AKAP6: variants seen among roughly 807,000 people sequenced by gnomAD.
The protein encoded by AKAP6 is A-kinase anchor protein 6.
In AKAP6, 58 loss-of-function variants were observed where a neutral mutation model predicts 188.5. The observed-to-expected ratio is 0.31, with a 90% CI of 0.25 to 0.38. AKAP6 has a LOEUF of 0.38. Ranked by LOEUF, AKAP6 falls within the 10% of genes least tolerant of loss-of-function variation. AKAP6 has a pLI of 1.00. For missense variants in AKAP6, 2,710 were observed against 2,740.0 expected, an observed-to-expected ratio of 0.99 and a Z score of 0.24; for synonymous variants, 989 against 998.6, an observed-to-expected ratio of 0.99 and a Z score of 0.18.
At chr14:32,666,063 C>T (rs953669867) in intron 7 of AKAP6, among the ~76,000 whole-genome samples, 1 of 151,958 alleles carries the variant, frequency 6.6e-6, no homozygotes, top group Non-Finnish European at 1.5e-5. Context: ...TAAGTAAACA[C>T]AATTATTTGC....
At chr14:32,628,761 T>C (rs1448738354) in intron 7 of AKAP6, among the ~76,000 whole-genome samples, 8 of 152,076 alleles carry the variant, frequency 5.3e-5, no homozygotes, top group African/African-American at 1.9e-4. Context: ...CACCAGATTT[T>C]TTTTTCTCTA....
chr14:32,669,679 G>A lies in AKAP6; in HGVS notation c.2731-8632G>A, dbSNP rs573869462. ...AAGACTGAATAATTTATGAAGGAAA[G>A]AGGTTTAATTGACTCACAGTTCTGC... is the stretch of plus-strand genomic sequence containing the variant. On this transcript the variant is annotated intron_variant, in intron 7 of 13. Coordinates refer to ENST00000280979, the MANE Select transcript of AKAP6 (RefSeq NM_004274.5). Among the ~76,000 whole-genome samples, 164 of 152,316 alleles carry A rather than the reference G, an allele frequency of 1.1e-3. 1 individual carries two copies. Among genetic ancestry groups the A allele is most frequent in the Middle Eastern group, 6.8e-3 (2 of 294 alleles).
intron 9 of AKAP6, among the ~76,000 whole-genome samples, chr14:32,727,204 GGAAA>G (rs1351821434): frequency 6.6e-6 from 1 of 152,104 alleles, no homozygotes; most frequent in Non-Finnish European, 1.5e-5. Flanking sequence ...GACATGGGAA[GGAAA>G]GAAAGGAGAC....
chr14:32,622,996 T>A (rs1886876195), intron 7 of AKAP6, among the ~76,000 whole-genome samples: 1 of 151,998 alleles, frequency 6.6e-6, no homozygotes, highest in Admixed American at 6.6e-5. Flanking sequence ...CCAGTGGTGG[T>A]GGTAGTGGTA....
intron 4 of AKAP6, among the ~76,000 whole-genome samples, chr14:32,561,098 G>A (rs1274934409): frequency 6.6e-6 from 1 of 152,114 alleles, no homozygotes; most frequent in East Asian, 1.9e-4. Flanking sequence ...ATGAAAACTT[G>A]AATAAGTCAC....
rs71115084 is a variant in AKAP6 at position 32,551,642 on chromosome 14, T to TTTTGTTTG, written c.2346+4670_2346+4677dup. Among the ~76,000 whole-genome samples, 511 of 148,952 alleles carry TTTTGTTTG rather than the reference T, an allele frequency of 3.4e-3. 1 individual carries two copies. Among genetic ancestry groups the TTTTGTTTG allele is most frequent in the Middle Eastern group, 6.8e-3 (2 of 292 alleles). The stretch of plus-strand genomic sequence containing the variant: ...TACAGATCTCACCACATTCTGTAAT[T>TTTTGTTTG]TTTGTTTGTTTGTTTGTTTGTTTGT... On this transcript the variant is annotated intron_variant, in intron 4 of 13. Transcript: ENST00000280979.
intron 12 of AKAP6, among the ~76,000 whole-genome samples, chr14:32,782,009 C>A (rs922887082): frequency 3.3e-5 from 5 of 151,904 alleles, no homozygotes; most frequent in Non-Finnish European, 7.4e-5. Context: ...ACTAAAAATA[C>A]AAAAACTTAG....
At chr14:32,704,312 A>T (rs1423509981) in intron 9 of AKAP6, among the ~76,000 whole-genome samples, 1 of 152,200 alleles carries the variant, frequency 6.6e-6, no homozygotes, top group Non-Finnish European at 1.5e-5. Flanking sequence ...CTTTTACTTA[A>T]TTAGATGGGA....
intron 9 of AKAP6, among the ~76,000 whole-genome samples, chr14:32,724,990 TAAAA>T (rs71432079): frequency 4.9e-4 from 17 of 34,914 alleles, no homozygotes; most frequent in Non-Finnish European, 6.2e-4. Context: ...ATATTCAACC[TAAAA>T]AAAAAAAAAA....
intron 12 of AKAP6, among the ~76,000 whole-genome samples, chr14:32,794,929 C>T (rs945986647): frequency 6.6e-6 from 1 of 151,956 alleles, no homozygotes; most frequent in African/African-American, 2.4e-5. Flanking sequence ...CAATCAAATA[C>T]ACACAATCAG....
intron 11 of AKAP6, among the ~76,000 whole-genome samples, chr14:32,769,829 G>T (rs1345369157): frequency 6.6e-6 from 1 of 151,578 alleles, no homozygotes; most frequent in African/African-American, 2.4e-5. Context: ...TGTAAATAAA[G>T]CTGTTCTTTT....
At chr14:32,800,139 T>C (rs202000327) in intron 12 of AKAP6, among the ~76,000 whole-genome samples, 1 of 122,808 alleles carries the variant, frequency 8.1e-6, no homozygotes, top group Non-Finnish European at 1.8e-5. Flanking sequence ...CACATATATA[T>C]ACACACATAT....
At position 32,834,081 on chromosome 14, in the gene AKAP6, A is replaced by G. The variant is rs867706516; in HGVS notation, c.*4276A>G. 1.3e-5 allele frequency: 2 copies of G among 152,242 alleles called. No individual in the cohort carries two copies. Among genetic ancestry groups the G allele is most frequent in the Admixed American group, 6.5e-5 (1 of 15,284 alleles). The allele number at this position is 152,242 out of a possible 1,614,324, so 9.4% of individuals were successfully genotyped here. On this transcript the variant is annotated 3_prime_UTR_variant, in exon 14 of 14. Coordinates refer to ENST00000280979, the MANE Select transcript of AKAP6 (RefSeq NM_004274.5). ...GGGTATTCTTCTGCAAGTCTACAAT[A>G]CCATCTTCATACTCAAGAAATGTAA... is the stretch of plus-strand genomic sequence containing the variant.
chr14:32,404,101 AT>A (rs1889190500), intron 1 of AKAP6, among the ~76,000 whole-genome samples: 1 of 152,180 alleles, frequency 6.6e-6, no homozygotes, highest in Non-Finnish European at 1.5e-5. Flanking sequence ...ATCCCATGAA[AT>A]ATTTTTTTTG....
intron 2 of AKAP6, among the ~76,000 whole-genome samples, chr14:32,451,254 G>A (rs896929610): frequency 1.3e-5 from 2 of 152,144 alleles, no homozygotes; most frequent in African/African-American, 4.8e-5. Flanking sequence ...AAGAAAACAT[G>A]AGCTTCCTAA....
At chr14:32,496,263 A>C (rs1880308665) in intron 2 of AKAP6, among the ~76,000 whole-genome samples, 1 of 152,136 alleles carries the variant, frequency 6.6e-6, no homozygotes, top group Non-Finnish European at 1.5e-5. Flanking sequence ...GTTACAACTA[A>C]ATTTATGCTT....
At chr14:32,649,912 T>C (rs1442861180) in intron 7 of AKAP6, among the ~76,000 whole-genome samples, 1 of 152,202 alleles carries the variant, frequency 6.6e-6, no homozygotes, top group Non-Finnish European at 1.5e-5. Context: ...GTTCCTTTTC[T>C]TTGATGGTGA....
Position 32,421,357 on chromosome 14 carries a change from A to G in AKAP6, c.-34-12103A>G, listed in dbSNP as rs1287954249. ...AGTCACTAATTATCTCTCCTAATTT[A>G]TATCTATTTACCTTTTTACTTTACA... On this transcript the variant is annotated intron_variant, in intron 1 of 13. Coordinates refer to ENST00000280979, the MANE Select transcript of AKAP6 (RefSeq NM_004274.5). 1.1e-4 allele frequency among the ~76,000 whole-genome samples: 9 copies of G among 82,264 alleles called. No individual in the cohort carries two copies. The East Asian group carries it at 2.2e-3, about 20-fold the overall frequency. The allele number at this position is 82,264 out of a possible 152,430, so 54.0% of individuals were successfully genotyped here. A position where few individuals can be genotyped will look rare whatever the true frequency, so the allele number is the denominator to read the frequency against.
At chr14:32,686,532 G>A in intron 8 of AKAP6, among the ~76,000 whole-genome samples, 1 of 152,104 alleles carries the variant, frequency 6.6e-6, no homozygotes, top group Non-Finnish European at 1.5e-5. Context: ...TTGCACTCCT[G>A]TACCATAATA....
Sources: allele counts gnomAD v4.1 joint callset (sites outside exome capture counted in the v4.1 genomes callset), GRCh38; gene constraint gnomAD v4.1.1; transcripts MANE v1.5; gene names NCBI Gene and HGNC (gene_info 2026-07-23, HGNC 2026-07-21).